CTDP1: variants seen among roughly 807,000 people sequenced by gnomAD.
The protein encoded by CTDP1 is RNA polymerase II subunit A C-terminal domain phosphatase.
A neutral mutation model predicts 91.8 loss-of-function variants in CTDP1; 47 were observed. That is an observed-to-expected ratio of 0.51 (90% CI 0.41 to 0.65). The LOEUF is 0.65. CTDP1 is among the 30% of genes least tolerant of loss of function. The pLI is 0.00. For missense variants in CTDP1, 1,272 were observed against 1,373.7 expected (o/e 0.93, Z 1.17); for synonymous variants, 656 against 598.5 (o/e 1.10, Z -1.40).
intron 1 of CTDP1, among the ~76,000 whole-genome samples, chr18:79,688,431 ATTAT>A (rs1283706445): frequency 1.3e-5 from 2 of 152,142 alleles, no homozygotes; most frequent in Non-Finnish European, 2.9e-5. Flanking sequence ...TGCCCAGCTA[ATTAT>A]TGTATTTTTA....
chr18:79,697,718 C>T (rs945353928), intron 3 of CTDP1, 142 bp from the exon 4 acceptor site: 18 of 1,260,216 alleles, frequency 1.4e-5, no homozygotes, highest in Admixed American at 1.1e-4. Flanking sequence ...CCCTGCCTCT[C>T]GGCCTGTACG....
rs1238505501 is a variant in CTDP1 at position 79,736,485 on chromosome 18, C to T, written c.2711C>T (p.Ser904Phe). 1 of 1,548,210 alleles carries T rather than the reference C, an allele frequency of 6.5e-7. No individual in the cohort carries two copies. Residue 904 changes from serine to phenylalanine, a missense_variant, in exon 12 of 13, where the codon TCC becomes TTC. Physicochemically the swap from Ser to Phe is radical, Grantham distance 155. This residue lies in a region of CTDP1 where 881 missense variants were observed against 911.6 expected (regional missense o/e 0.97). Transcript: ENST00000613122. ...GAGCGGACGCTCGGGGCACCTGCGTCCAGCGAGAGGAGCGCGGCAGGGGGC... is the reference window on the plus strand; with the variant it reads ...GAGCGGACGCTCGGGGCACCTGCGTTCAGCGAGAGGAGCGCGGCAGGGGGC... ...RRERTLGAPA[S>F]SERSAAGGRG...
chr18:79,714,565 C>T lies in CTDP1; in HGVS notation c.1105C>T (p.Pro369Ser), dbSNP rs2086155644. 1.2e-6 allele frequency: 2 copies of T among 1,613,048 alleles called. No homozygotes were observed. Among genetic ancestry groups the T allele is most frequent in the East Asian group, 2.2e-5 (1 of 44,896 alleles). The stretch of plus-strand genomic sequence containing the variant: ...AGACCCTGAGGGGGTAACGCAGGCC[C>T]CTGGAGTGGAGCCCAGCAATGGCCT... ...VRDPEGVTQA[P>S]GVEPSNGLEK... The change falls in exon 8 of 13, where the codon CCT (proline) becomes TCT (serine). Residue 369 changes from proline to serine, a missense_variant. Around this residue, in one of 3 missense-constraint regions of CTDP1, gnomAD observed 881 missense variants for 911.6 expected, o/e 0.97. Transcript: ENST00000613122.
chr18:79,727,856 G>A (rs921418142), intron 10 of CTDP1, among the ~76,000 whole-genome samples: 5 of 152,126 alleles, frequency 3.3e-5, no homozygotes, highest in East Asian at 1.9e-4. Context: ...CAGGAGGGCC[G>A]CACCACCCCT....
chr18:79,749,203 TAGAA>T (rs2086942598), intron 12 of CTDP1, among the ~76,000 whole-genome samples: 1 of 152,212 alleles, frequency 6.6e-6, no homozygotes, highest in Non-Finnish European at 1.5e-5. Flanking sequence ...CGCTTGATTT[TAGAA>T]AGAAAAGAAT....
At chr18:79,694,482 C>G (rs142316652) in intron 1 of CTDP1, among the ~76,000 whole-genome samples, 1 of 137,446 alleles carries the variant, frequency 7.3e-6, no homozygotes. Context: ...GAGTGCTGGG[C>G]GGTCTCATGT....
At chr18:79,690,825 G>C (rs758551837) in intron 1 of CTDP1, among the ~76,000 whole-genome samples, 17 of 152,170 alleles carry the variant, frequency 1.1e-4, no homozygotes, top group Non-Finnish European at 2.4e-4. Context: ...GTGGAGCAGA[G>C]CCTGCACTAG....
chr18:79,701,427 G>A (rs549168776), intron 4 of CTDP1, among the ~76,000 whole-genome samples: 6 of 151,900 alleles, frequency 3.9e-5, no homozygotes, highest in Admixed American at 2.0e-4. Flanking sequence ...GGAGAATGGC[G>A]TGAACCCGGG....
intron 3 of CTDP1, 90 bp downstream of exon 3, chr18:79,696,160 C>T (rs895788373): frequency 1.1e-5 from 13 of 1,145,850 alleles, no homozygotes; most frequent in African/African-American, 3.1e-5. Context: ...GAAGCACGGA[C>T]GTGTGGTTGT....
In CTDP1 at chr18:79,715,513, A is replaced by G; in HGVS notation, c.2053A>G (p.Ile685Val). Residue 685 changes from isoleucine (I) to valine (V), a missense_variant, in exon 8 of 13, where the codon ATC (isoleucine) becomes GTC (valine). Ile to Val is a conservative substitution (Grantham distance 29). Around this residue, in one of 3 missense-constraint regions of CTDP1, gnomAD observed 881 missense variants for 911.6 expected, o/e 0.97. Transcript: ENST00000613122. ...CGCCCCTGACAGGGCCACGCACCTGATCGCCGCGCGAGCTGGTGAGTGCTG... is the reference window on the plus strand; with the variant it reads ...CGCCCCTGACAGGGCCACGCACCTGGTCGCCGCGCGAGCTGGTGAGTGCTG... ...PDAPDRATHL[I>V]AARAGTEKVL... 6.4e-7 allele frequency: 1 copy of G among 1,557,296 alleles called. No homozygotes were observed. Among genetic ancestry groups the G allele is most frequent in the Non-Finnish European group, 8.7e-7 (1 of 1,154,474 alleles).
In CTDP1 at chr18:79,704,937, A is replaced by G; in HGVS notation, c.772+20A>G. 3 of 1,612,582 alleles carry G rather than the reference A, an allele frequency of 1.9e-6. No homozygotes were observed. Among genetic ancestry groups the G allele is most frequent in the Non-Finnish European group, 2.5e-6 (3 of 1,180,026 alleles). On this transcript the variant is annotated intron_variant, in intron 5 of 12. Coordinates refer to ENST00000613122, the MANE Select transcript of CTDP1 (RefSeq NM_004715.5). ...TCGCAGGTCAGTCAAGCCGCAGCCGAAGAGGCCGTGTGAACAGTGGGTTTC... is the reference window on the plus strand; with the variant it reads ...TCGCAGGTCAGTCAAGCCGCAGCCGGAGAGGCCGTGTGAACAGTGGGTTTC...
rs186842893 is a variant in CTDP1 at position 79,715,908 on chromosome 18, T to C, written c.2068+380T>C. ...AAACCCTCTGAGTTAGAAAACTAAA[T>C]GCAAGGTTTCAGCTGAAACGTGCAC... On this transcript the variant is annotated intron_variant, in intron 8 of 12. Coordinates refer to ENST00000613122, the MANE Select transcript of CTDP1 (RefSeq NM_004715.5). Among the ~76,000 whole-genome samples the C allele has an allele frequency of 1.2e-3, 188 of 152,292 alleles. 1 individual carries two copies. The highest frequency in any genetic ancestry group is 1.6e-3 in the Non-Finnish European group (109 of 68,024).
chr18:79,720,554 A>T, intron 10 of CTDP1, among the ~76,000 whole-genome samples: 1 of 148,960 alleles, frequency 6.7e-6, no homozygotes, highest in African/African-American at 2.5e-5. Flanking sequence ...TCTGGTGATG[A>T]TGTCACCTCC....
chr18:79,753,732 G>A lies in CTDP1; in HGVS notation c.2828G>A (p.Ser943Asn), dbSNP rs776725782. 6.2e-7 allele frequency: 1 copy of A among 1,614,042 alleles called. No individual in the cohort carries two copies. Among genetic ancestry groups the A allele is most frequent in the South Asian group, 1.1e-5 (1 of 91,084 alleles). The change falls in exon 13 of 13, where the codon AGC (serine) becomes AAC (asparagine). Residue 943 changes from serine to asparagine, a missense_variant. Physicochemically the swap from Ser to Asn is conservative, Grantham distance 46. This residue lies in a region of CTDP1 where 881 missense variants were observed against 911.6 expected (regional missense o/e 0.97). Coordinates refer to ENST00000613122, the MANE Select transcript of CTDP1 (RefSeq NM_004715.5). ...TCCAGCAACGAGGATGAGGGCAGCA[G>A]CTCCGAGGCCGACGAGATGGCCAAG... ...RESSNEDEGS[S>N]SEADEMAKAL...
chr18:79,743,926 T>TCTATCCAACCTCCCGCC (rs2086831776), intron 12 of CTDP1, among the ~76,000 whole-genome samples: 1 of 151,886 alleles, frequency 6.6e-6, no homozygotes, highest in Non-Finnish European at 1.5e-5. Flanking sequence ...TGCCTCCCGT[T>TCTATCCAACCTCCCGCC]CTATCCAACC....
intron 12 of CTDP1, among the ~76,000 whole-genome samples, chr18:79,736,836 ATGTGTGAGGTGTCTACAGGCG>A (rs2086679252): frequency 7.0e-6 from 1 of 141,976 alleles, no homozygotes; most frequent in South Asian, 2.2e-4. Context: ...GTGCGCAGGC[ATGTGTGAGGTGTCTACAGGCG>A]TGTGTGAGGT....
At chr18:79,706,300 A>G (rs2085965581) in intron 5 of CTDP1, among the ~76,000 whole-genome samples, 1 of 152,208 alleles carries the variant, frequency 6.6e-6, no homozygotes, top group Admixed American at 6.5e-5. Context: ...GCCCAGGCCG[A>G]CTAAGCTGCC....
chr18:79,750,143 G>T (rs917459789), intron 12 of CTDP1: 10 of 152,252 alleles, frequency 6.6e-5, no homozygotes, highest in South Asian at 2.1e-4. Flanking sequence ...TGCAGACGAG[G>T]TGTGCAGAGG....
In CTDP1 at chr18:79,679,995, G is replaced by A. The variant is rs545494398; in HGVS notation, c.48G>A (p.Thr16=). Reference sequence around the variant, plus strand: ...GCGTTCCTGCCGAGGGCGCCCCGACGGCGGCTGTGGCCGAGGTGCGCTGCC... The same window carrying A: ...GCGTTCCTGCCGAGGGCGCCCCGACAGCGGCTGTGGCCGAGGTGCGCTGCC... ...AGRVPAEGAP[T]AAVAEVRCPG... The change falls in exon 1 of 13, where the codon ACG becomes ACA. Residue 16 remains threonine (T), a synonymous_variant. Coordinates refer to ENST00000613122, the MANE Select transcript of CTDP1 (RefSeq NM_004715.5). 51 of 1,332,354 alleles carry A rather than the reference G, an allele frequency of 3.8e-5. No homozygotes were observed. Among genetic ancestry groups the A allele is most frequent in the Non-Finnish European group, 4.7e-5 (49 of 1,039,970 alleles). The allele number at this position is 1,332,354 out of a possible 1,614,324, so 82.5% of individuals were successfully genotyped here.
Sources: gnomAD v4.1 joint callset for allele counts (sites outside exome capture counted in the v4.1 genomes callset) on GRCh38, gnomAD v4.1.1 for gene constraint, gnomAD v4.1.1 regional missense constraint, MANE v1.5 for transcripts, NCBI Gene and HGNC (gene_info 2026-07-23, HGNC 2026-07-21) for gene names.